The following KCNQ1 variants were observed in gnomAD, a reference collection of about 807,000 sequenced individuals.
KCNQ1 encodes potassium voltage-gated channel subfamily Q member 1, also known as potassium voltage-gated channel subfamily KQT member 1.
KCNQ1 carries 49 observed loss-of-function variants against 72.4 expected under a neutral mutation model. The observed-to-expected ratio is 0.68, with a 90% CI of 0.54 to 0.86. The LOEUF (loss-of-function observed/expected upper bound fraction) is 0.86. Ranked by LOEUF, KCNQ1 falls within the 40% of genes least tolerant of loss-of-function variation. The pLI is 0.00. For synonymous variants in KCNQ1, 450 were observed against 412.6 expected, an observed-to-expected ratio of 1.09 and a Z score of -1.10; for missense variants, 790 against 945.1, an observed-to-expected ratio of 0.84 and a Z score of 2.15.
At position 2,608,879 on chromosome 11, in the gene KCNQ1, C is replaced by T. The variant is rs1361183261; in HGVS notation, c.1393+20025C>T. The T allele has an allele frequency of 5.0e-6, 2 of 398,122 alleles. No individual in the cohort carries two copies. Among genetic ancestry groups the T allele is most frequent in the East Asian group, 3.6e-5 (1 of 28,070 alleles). 24.7% of individuals were successfully genotyped at this position (398,122 alleles called of 1,614,324 possible). A position where few individuals can be genotyped will look rare whatever the true frequency, so the allele number is the denominator to read the frequency against. ...TCTCCCCCTTTGCCTCATGCACTTCCCTCTCTGTCTTTCCTCCTCCCCCTC... is the reference window on the plus strand; with the variant it reads ...TCTCCCCCTTTGCCTCATGCACTTCTCTCTCTGTCTTTCCTCCTCCCCCTC... On this transcript the variant is annotated intron_variant, in intron 10 of 15. Coordinates refer to ENST00000155840, the MANE Select transcript of KCNQ1 (RefSeq NM_000218.3). This position sits in a 1 kb window ranked among gnomAD's most constrained non-coding sequence, Gnocchi z 4.6.
In KCNQ1 at chr11:2,848,883, A is replaced by G. The variant is rs1848399628; in HGVS notation, c.*880A>G. On this transcript the variant is annotated 3_prime_UTR_variant, in exon 16 of 16. Coordinates refer to ENST00000155840, the MANE Select transcript of KCNQ1 (RefSeq NM_000218.3). ...GGGTTCCTTCTGGGCATTACATCGC[A>G]TAGAAATCAATAATTTGTGGTGATT... is the stretch of plus-strand genomic sequence containing the variant. 1 of 454,178 alleles carries G rather than the reference A, an allele frequency of 2.2e-6. No homozygotes were observed. Among genetic ancestry groups the G allele is most frequent in the Non-Finnish European group, 4.4e-6 (1 of 226,810 alleles). 28.1% of individuals were successfully genotyped at this position (454,178 alleles called of 1,614,324 possible). A position where few individuals can be genotyped will look rare whatever the true frequency, so the allele number is the denominator to read the frequency against.
Position 2,457,496 on chromosome 11 carries a change from G to A in KCNQ1, c.386+12012G>A, listed in dbSNP as rs1035324204. Among the ~76,000 whole-genome samples the A allele has an allele frequency of 2.6e-5, 4 of 152,164 alleles. No individual in the cohort carries two copies. The highest frequency in any genetic ancestry group is 4.4e-5 in the Non-Finnish European group (3 of 68,028). ...AGCAACATGGATGCAGCTGGAGGTC[G>A]TTATCCTAAGTGAATTAATGCAGAA... On this transcript the variant is annotated intron_variant, in intron 1 of 15. Coordinates refer to ENST00000155840, the MANE Select transcript of KCNQ1 (RefSeq NM_000218.3). The surrounding 1 kb of genome is among the most constrained non-coding windows in gnomAD (Gnocchi z 5.0).
rs1412097941 is a variant in KCNQ1, at chr11:2,767,419, AC to A, written c.1515-1424del. Reference sequence around the variant, plus strand: ...GACCCCAAATTCAAGTAATAGGAAAACAGACTCCATCTCTTAATGGAAGGAG... The same window carrying A: ...GACCCCAAATTCAAGTAATAGGAAAAAGACTCCATCTCTTAATGGAAGGAG... On this transcript the variant is annotated intron_variant, in intron 11 of 15. Coordinates refer to ENST00000155840, the MANE Select transcript of KCNQ1 (RefSeq NM_000218.3). The surrounding 1 kb of genome is among the most constrained non-coding windows in gnomAD (Gnocchi z 4.6). 6.6e-6 allele frequency among the ~76,000 whole-genome samples: 1 copy of A among 152,196 alleles called. No homozygotes were observed. Among genetic ancestry groups the A allele is most frequent in the Non-Finnish European group, 1.5e-5 (1 of 68,036 alleles).
At chr11:2,561,818 C>T (rs1486557389) in intron 2 of KCNQ1, among the ~76,000 whole-genome samples, 4 of 152,214 alleles carry the variant, frequency 2.6e-5, no homozygotes, top group Non-Finnish European at 5.9e-5. Flanking sequence ...CCCTCCCCTC[C>T]GAGGAGGTGG....
chr11:2,470,710 G>A (rs4350347), intron 1 of KCNQ1, among the ~76,000 whole-genome samples: 1 of 148,282 alleles, frequency 6.7e-6, no homozygotes, highest in African/African-American at 2.5e-5. Context: ...TAGGTGGGGG[G>A]GGGGGTGCTT....
intron 10 of KCNQ1, chr11:2,615,403 C>G (rs1344098762): frequency 5.0e-6 from 2 of 397,838 alleles, no homozygotes; most frequent in Non-Finnish European, 8.9e-6. Flanking sequence ...GTTTATTTAT[C>G]TGCCTAATTG....
chr11:2,538,343 G>A lies in KCNQ1; in HGVS notation c.477+10325G>A, dbSNP rs1199096383. Among the ~76,000 whole-genome samples, 1 of 152,176 alleles carries A rather than the reference G, an allele frequency of 6.6e-6. No individual in the cohort carries two copies. Among genetic ancestry groups the A allele is most frequent in the Admixed American group, 6.5e-5 (1 of 15,288 alleles). On this transcript the variant is annotated intron_variant, in intron 2 of 15. Transcript: ENST00000155840. The surrounding 1 kb of genome is among the most constrained non-coding windows in gnomAD (Gnocchi z 6.7). ...CATGGAGGCTTGGGGACAGTCCCCT[G>A]GCCCCACGGATGTTGTGTGGACGAG...
intron 15 of KCNQ1, among the ~76,000 whole-genome samples, chr11:2,823,515 G>A (rs750594333): frequency 6.6e-6 from 1 of 152,246 alleles, no homozygotes; most frequent in Non-Finnish European, 1.5e-5. Flanking sequence ...CAAGGAGGCA[G>A]AAGACCCTAC....
intron 12 of KCNQ1, among the ~76,000 whole-genome samples, chr11:2,770,034 A>G (rs191205368): frequency 1.3e-5 from 2 of 152,280 alleles, no homozygotes; most frequent in Non-Finnish European, 2.9e-5. Flanking sequence ...TGGGAAGATC[A>G]TCTTGACTTC....
In KCNQ1 at chr11:2,766,252, C is replaced by T. The variant is rs757822237; in HGVS notation, c.1515-2592C>T. ...CACAATCATCTGTTAGCTCACAAAT[C>T]TATGGGTCAGCAATCTGGGCTGCCC... On this transcript the variant is annotated intron_variant, in intron 11 of 15. Transcript: ENST00000155840. The surrounding 1 kb of genome is among the most constrained non-coding windows in gnomAD (Gnocchi z 4.4). Among the ~76,000 whole-genome samples the T allele has an allele frequency of 6.6e-6, 1 of 152,174 alleles. No homozygotes were observed. Among genetic ancestry groups the T allele is most frequent in the Non-Finnish European group, 1.5e-5 (1 of 68,044 alleles).
chr11:2,656,400 C>A, intron 10 of KCNQ1: 1 of 398,690 alleles, frequency 2.5e-6, no homozygotes. Context: ...GTCATGGGCA[C>A]AGAGCCCTTT....
rs184752161 is a variant in KCNQ1 at position 2,567,815 on chromosome 11, C to T, written c.478-2813C>T. On this transcript the variant is annotated intron_variant, in intron 2 of 15. Coordinates refer to ENST00000155840, the MANE Select transcript of KCNQ1 (RefSeq NM_000218.3). This position sits in a 1 kb window ranked among gnomAD's most constrained non-coding sequence, Gnocchi z 6.6. ...TCGAAGGCCAGCCCCTAAACAGGTT[C>T]CCTGAGTGTTAGGTCAAAATAACTT... 3.0e-4 allele frequency among the ~76,000 whole-genome samples: 45 copies of T among 152,348 alleles called. No individual in the cohort carries two copies. Among genetic ancestry groups the T allele is most frequent in the African/African-American group, 1.1e-3 (45 of 41,576 alleles).
rs1848786559 is a variant in KCNQ1 at position 2,600,470 on chromosome 11, C to T, written c.1393+11616C>T. 6.6e-6 allele frequency among the ~76,000 whole-genome samples: 1 copy of T among 152,236 alleles called. No homozygotes were observed. Among genetic ancestry groups the T allele is most frequent in the African/African-American group, 2.4e-5 (1 of 41,460 alleles). On this transcript the variant is annotated intron_variant, in intron 10 of 15. Transcript: ENST00000155840. The surrounding 1 kb of genome is among the most constrained non-coding windows in gnomAD (Gnocchi z 5.6). ...TTTATCATTTGAACCCCTTTCTCTA[C>T]ATTATATTCACATAACATGTTTTTC...
intron 11 of KCNQ1, among the ~76,000 whole-genome samples, chr11:2,717,107 C>T (rs181034325): frequency 1.1e-4 from 16 of 152,332 alleles, no homozygotes; most frequent in Non-Finnish European, 2.1e-4. Context: ...CTCAGGGACC[C>T]AGGTGCTCTT....
chr11:2,631,253 T>C (rs1849348107), intron 10 of KCNQ1: 2 of 398,410 alleles, frequency 5.0e-6, no homozygotes. Context: ...CCATAAATCC[T>C]GTAAACTTCC....
rs935055858 is a variant in KCNQ1 at position 2,668,160 on chromosome 11, A to G, written c.1514+6079A>G. 10 of 398,498 alleles carry G rather than the reference A, an allele frequency of 2.5e-5. No individual in the cohort carries two copies. Among genetic ancestry groups the G allele is most frequent in the Non-Finnish European group, 3.5e-5 (8 of 226,088 alleles). 24.7% of individuals were successfully genotyped at this position (398,498 alleles called of 1,614,324 possible). A position where few individuals can be genotyped will look rare whatever the true frequency, so the allele number is the denominator to read the frequency against. On this transcript the variant is annotated intron_variant, in intron 11 of 15. Coordinates refer to ENST00000155840, the MANE Select transcript of KCNQ1 (RefSeq NM_000218.3). The surrounding 1 kb of genome is among the most constrained non-coding windows in gnomAD (Gnocchi z 4.3). ...GGGGCTGAAGGGAGAGTGCTCCCTCATGCTCCTTGCTGACTGGTGCTCCAT... is the reference window on the plus strand; with the variant it reads ...GGGGCTGAAGGGAGAGTGCTCCCTCGTGCTCCTTGCTGACTGGTGCTCCAT...
rs1847833495 is a variant in KCNQ1 at position 2,826,066 on chromosome 11, T to G, written c.1795-21701T>G. 6.6e-6 allele frequency among the ~76,000 whole-genome samples: 1 copy of G among 152,206 alleles called. No individual in the cohort carries two copies. Among genetic ancestry groups the G allele is most frequent in the Admixed American group, 6.5e-5 (1 of 15,284 alleles). The stretch of plus-strand genomic sequence containing the variant: ...TGCAGAGATTATGTGTAACTGCCTG[T>G]GAGTTATAAGCCTCCACAGCAAGCA... On this transcript the variant is annotated intron_variant, in intron 15 of 15. Coordinates refer to ENST00000155840, the MANE Select transcript of KCNQ1 (RefSeq NM_000218.3). The surrounding 1 kb of genome is among the most constrained non-coding windows in gnomAD (Gnocchi z 4.2).
rs549903300 is a variant in KCNQ1 at position 2,848,201 on chromosome 11, C to T, written c.*198C>T. 2.2e-4 allele frequency: 152 copies of T among 682,884 alleles called. No homozygotes were observed. Among genetic ancestry groups the T allele is most frequent in the Non-Finnish European group, 3.4e-4 (131 of 381,734 alleles). 42.3% of individuals were successfully genotyped at this position (682,884 alleles called of 1,614,324 possible). A position where few individuals can be genotyped will look rare whatever the true frequency, so the allele number is the denominator to read the frequency against. On this transcript the variant is annotated 3_prime_UTR_variant, in exon 16 of 16. Coordinates refer to ENST00000155840, the MANE Select transcript of KCNQ1 (RefSeq NM_000218.3). ...CTCAGCAAGGCCACCTCTTCCTGGCCGGTGTGGGGGCCCCGTCTCAGGTCT... is the reference window on the plus strand; with the variant it reads ...CTCAGCAAGGCCACCTCTTCCTGGCTGGTGTGGGGGCCCCGTCTCAGGTCT...
chr11:2,637,177 C>T lies in KCNQ1; in HGVS notation c.1394-24784C>T, dbSNP rs1279281427. On this transcript the variant is annotated intron_variant, in intron 10 of 15. Transcript: ENST00000155840. ...TTTGAAGGGTTTTTTGTGTCTCTATCTCCTTCAATTCTTCTCTGATCTTAG... is the reference window on the plus strand; with the variant it reads ...TTTGAAGGGTTTTTTGTGTCTCTATTTCCTTCAATTCTTCTCTGATCTTAG... 3 of 151,202 alleles carry T rather than the reference C, an allele frequency of 2.0e-5. No homozygotes were observed. Among genetic ancestry groups the T allele is most frequent in the Non-Finnish European group, 2.9e-5 (2 of 67,854 alleles). 9.4% of individuals were successfully genotyped at this position (151,202 alleles called of 1,614,324 possible). A position where few individuals can be genotyped will look rare whatever the true frequency, so the allele number is the denominator to read the frequency against.
Sources: gnomAD v4.1 joint callset for allele counts (sites outside exome capture counted in the v4.1 genomes callset) on GRCh38, gnomAD v4.1.1 for gene constraint, Gnocchi (gnomAD v3.1) non-coding constraint, MANE v1.5 for transcripts, NCBI Gene and HGNC (gene_info 2026-07-23, HGNC 2026-07-21) for gene names.